Variants in CNTN5 observed in about 807,000 individuals in gnomAD.
CNTN5 encodes the protein contactin-5.
In CNTN5, 77 loss-of-function variants were observed where a neutral mutation model predicts 129.1. That is an observed-to-expected ratio of 0.60 (90% CI 0.50 to 0.72). The LOEUF is 0.72. CNTN5 is among the 30% of genes least tolerant of loss of function. The pLI is 0.00. For synonymous variants in CNTN5, 509 were observed against 465.6 expected (o/e 1.09, Z -1.20); for missense variants, 1,478 against 1,328.8 (o/e 1.11, Z -1.75).
chr11:99,568,030 T>A (rs1384302634), intron 3 of CNTN5, among the ~76,000 whole-genome samples: 6 of 152,202 alleles, frequency 3.9e-5, no homozygotes, highest in Non-Finnish European at 7.4e-5. Flanking sequence ...AGCAAATTTG[T>A]GTCTCAGTGT....
At chr11:99,323,268 G>A (rs556510064) in intron 1 of CNTN5, among the ~76,000 whole-genome samples, 1 of 152,220 alleles carries the variant, frequency 6.6e-6, no homozygotes, top group East Asian at 1.9e-4. Flanking sequence ...ACTTAAAGAA[G>A]TCTGACTCTG....
intron 3 of CNTN5, among the ~76,000 whole-genome samples, chr11:99,759,435 G>C (rs556893733): frequency 6.6e-6 from 1 of 151,998 alleles, no homozygotes; most frequent in South Asian, 2.1e-4. Flanking sequence ...TATTATATAG[G>C]GGGCAATGAA....
chr11:99,034,939 G>A (rs1863631688), intron 1 of CNTN5, among the ~76,000 whole-genome samples: 1 of 150,858 alleles, frequency 6.6e-6, no homozygotes, highest in Admixed American at 6.7e-5. Flanking sequence ...ACACTGCTTT[G>A]AATGTGTCCC....
intron 13 of CNTN5, among the ~76,000 whole-genome samples, chr11:100,134,029 G>A (rs1057098606): frequency 6.6e-6 from 1 of 151,918 alleles, no homozygotes; most frequent in Non-Finnish European, 1.5e-5. Context: ...ATAGAAATCA[G>A]AAAAGCTAAA....
intron 3 of CNTN5, among the ~76,000 whole-genome samples, chr11:99,800,625 T>C (rs1464501499): frequency 6.6e-6 from 1 of 152,188 alleles, no homozygotes; most frequent in East Asian, 1.9e-4. Flanking sequence ...AGTGCTCTAA[T>C]GTTTGATGAA....
At chr11:100,028,154 A>G (rs1333945434) in intron 9 of CNTN5, among the ~76,000 whole-genome samples, 1 of 152,230 alleles carries the variant, frequency 6.6e-6, no homozygotes, top group African/African-American at 2.4e-5. Context: ...AAACAGAAAC[A>G]GTAAAAAGCT....
At chr11:99,252,068 C>G (rs1292751336) in intron 1 of CNTN5, among the ~76,000 whole-genome samples, 1 of 151,950 alleles carries the variant, frequency 6.6e-6, no homozygotes, top group East Asian at 1.9e-4. Context: ...ACTTCTGAGA[C>G]CCATCATTCT....
intron 3 of CNTN5, among the ~76,000 whole-genome samples, chr11:99,631,025 T>G (rs912780988): frequency 6.6e-6 from 1 of 152,166 alleles, no homozygotes; most frequent in Non-Finnish European, 1.5e-5. Context: ...TTGTCCTGAC[T>G]AAAAACACAA....
At chr11:99,608,155 C>G (rs1346011903) in intron 3 of CNTN5, among the ~76,000 whole-genome samples, 5 of 151,634 alleles carry the variant, frequency 3.3e-5, no homozygotes, top group Non-Finnish European at 5.9e-5. Flanking sequence ...TACTGCCAAT[C>G]TCTTTTAAAC....
chr11:99,284,587 C>T (rs1392887544), intron 1 of CNTN5, among the ~76,000 whole-genome samples: 2 of 143,688 alleles, frequency 1.4e-5, no homozygotes, highest in Admixed American at 1.4e-4. Flanking sequence ...AACTGTTTAC[C>T]CCAGAGATGA....
At chr11:99,645,551 A>G (rs1409832792) in intron 3 of CNTN5, among the ~76,000 whole-genome samples, 2 of 152,022 alleles carry the variant, frequency 1.3e-5, no homozygotes, top group African/African-American at 4.8e-5. Context: ...AACCAACCCA[A>G]ATGTCCATTA....
At chr11:99,201,554 G>A (rs1490787264) in intron 1 of CNTN5, among the ~76,000 whole-genome samples, 1 of 152,038 alleles carries the variant, frequency 6.6e-6, no homozygotes, top group East Asian at 1.9e-4. Flanking sequence ...AAAAAAGATT[G>A]AAGGTTGTGG....
chr11:99,279,151 G>A (rs375172367), intron 1 of CNTN5, among the ~76,000 whole-genome samples: 5 of 151,612 alleles, frequency 3.3e-5, no homozygotes, highest in South Asian at 4.2e-4. Flanking sequence ...AATACATTTC[G>A]GTTATATTTA....
intron 1 of CNTN5, among the ~76,000 whole-genome samples, chr11:99,254,797 A>G (rs1403491262): frequency 6.6e-6 from 1 of 151,980 alleles, no homozygotes; most frequent in Non-Finnish European, 1.5e-5. Flanking sequence ...GACATCATAA[A>G]TTTTTCTCAT....
intron 3 of CNTN5, among the ~76,000 whole-genome samples, chr11:99,746,376 C>A (rs1461994220): frequency 1.3e-5 from 2 of 152,288 alleles, no homozygotes; most frequent in African/African-American, 4.8e-5. Flanking sequence ...TTTCAACTGA[C>A]AGTAAATGCT....
intron 1 of CNTN5, among the ~76,000 whole-genome samples, chr11:99,259,658 A>ATG (rs746670974): frequency 1.3e-5 from 2 of 151,448 alleles, no homozygotes; most frequent in Non-Finnish European, 3.0e-5. Flanking sequence ...GTTTAAAGGA[A>ATG]TGTGTGTGTG....
intron 4 of CNTN5, among the ~76,000 whole-genome samples, chr11:99,833,566 A>G (rs984498139): frequency 5.9e-5 from 9 of 152,206 alleles, no homozygotes; most frequent in Admixed American, 1.3e-4. Flanking sequence ...AGGCTAGGAT[A>G]AACTCTGATG....
rs113364220 is a variant in CNTN5 at position 99,820,978 on chromosome 11, G to A, written c.277+1213G>A. Among the ~76,000 whole-genome samples, 190 of 152,300 alleles carry A rather than the reference G, an allele frequency of 1.2e-3. 1 individual carries two copies. Among genetic ancestry groups the A allele is most frequent in the African/African-American group, 4.2e-3 (175 of 41,560 alleles). On this transcript the variant is annotated intron_variant, in intron 4 of 24. Coordinates refer to ENST00000524871, the MANE Select transcript of CNTN5 (RefSeq NM_014361.4). ...TTGTTGCCATGTGCAGCATTGTCTCGTAGTGTTGGCATCTAAGTTGTATGT... is the reference window on the plus strand; with the variant it reads ...TTGTTGCCATGTGCAGCATTGTCTCATAGTGTTGGCATCTAAGTTGTATGT...
intron 3 of CNTN5, among the ~76,000 whole-genome samples, chr11:99,660,014 T>G (rs1409630287): frequency 1.3e-5 from 2 of 152,104 alleles, no homozygotes; most frequent in African/African-American, 4.8e-5. Flanking sequence ...TTTCAACAAA[T>G]TTTACTGGAA....
Sources: allele counts gnomAD v4.1 joint callset (sites outside exome capture counted in the v4.1 genomes callset), GRCh38; gene constraint gnomAD v4.1.1; transcripts MANE v1.5; gene names NCBI Gene and HGNC (gene_info 2026-07-23, HGNC 2026-07-21).